Variants in DPH6 observed in about 807,000 individuals in gnomAD.
DPH6 encodes diphthine--ammonia ligase.
DPH6 carries 33 observed loss-of-function variants against 38.2 expected under a neutral mutation model. The ratio of observed to expected loss-of-function variants is 0.86; its 90% CI spans 0.65 to 1.15. The LOEUF is 1.15. Among genes scored for constraint, DPH6 ranks in the 50% most tolerant of loss-of-function variants. The pLI, the probability that DPH6 is intolerant of heterozygous loss-of-function variation, is 0.00. For synonymous variants in DPH6, 108 were observed against 103.0 expected (o/e 1.05, Z -0.30); for missense variants, 325 against 320.0 (o/e 1.02, Z -0.12).
chr15:35,214,673 T>A (rs553794306), downstream of DPH6, among the ~76,000 whole-genome samples: 1 of 152,156 alleles, frequency 6.6e-6, no homozygotes, highest in Non-Finnish European at 1.5e-5. Context: ...AGCGGCACGA[T>A]CTCAGCTCAC....
chr15:35,336,823 T>C (rs577573597), intron 3 of DPH6, among the ~76,000 whole-genome samples: 30 of 152,290 alleles, frequency 2.0e-4, no homozygotes, highest in Middle Eastern at 3.4e-3. Context: ...ATAAGCTTTT[T>C]GATGTGCTGC....
chr15:35,420,733 T>TCA (rs1339296837), intron 5 of DPH6, among the ~76,000 whole-genome samples: 10 of 152,164 alleles, frequency 6.6e-5, no homozygotes, highest in Non-Finnish European at 1.5e-4. Flanking sequence ...GCCAGGCTGG[T>TCA]CGCGAACTCC....
chr15:35,401,066 G>A (rs2053212564), intron 6 of DPH6: 10 of 902,974 alleles, frequency 1.1e-5, no homozygotes, highest in Non-Finnish European at 1.6e-5. Flanking sequence ...ATTTTCAACA[G>A]TACAGAAAAA....
chr15:35,367,137 A>C (rs2140914198), downstream of DPH6, among the ~76,000 whole-genome samples: 2 of 151,896 alleles, frequency 1.3e-5, 1 homozygote, highest in South Asian at 4.1e-4. Context: ...TAAAATATAT[A>C]ATTGTCCCAG....
chr15:35,515,041 AAGAC>A (rs2054825938), intron 3 of DPH6, among the ~76,000 whole-genome samples: 4 of 152,288 alleles, frequency 2.6e-5, no homozygotes, highest in African/African-American at 9.6e-5. Context: ...TTAAGTCTTT[AAGAC>A]AGACACTGTG....
the DPH6 span, among the ~76,000 whole-genome samples, chr15:35,180,794 A>T: frequency 6.6e-6 from 1 of 152,004 alleles, no homozygotes; most frequent in Non-Finnish European, 1.5e-5. Flanking sequence ...GCCCTACTTT[A>T]CTTTCTTGAA....
chr15:35,367,605 T>C (rs2052672175), downstream of DPH6, among the ~76,000 whole-genome samples: 1 of 151,862 alleles, frequency 6.6e-6, no homozygotes, highest in Non-Finnish European at 1.5e-5. Context: ...CGTTTTTATC[T>C]CACAGCTTTC....
the DPH6 span, among the ~76,000 whole-genome samples, chr15:35,199,210 G>A: frequency 6.6e-6 from 1 of 152,184 alleles, no homozygotes; most frequent in Non-Finnish European, 1.5e-5. Flanking sequence ...ACCACGCCCA[G>A]CGAATTTGTT....
At chr15:35,205,153 T>A in the DPH6 span, among the ~76,000 whole-genome samples, 266 of 152,136 alleles carry the variant, frequency 1.7e-3, 2 homozygotes, top group African/African-American at 6.0e-3. Flanking sequence ...TTGATTTTTT[T>A]AAAAAACAAA....
the DPH6 span, among the ~76,000 whole-genome samples, chr15:35,172,705 G>T: frequency 3.3e-5 from 5 of 152,058 alleles, no homozygotes; most frequent in African/African-American, 1.2e-4. Flanking sequence ...TTTTGAGATG[G>T]GGTCTCATTA....
intron 3 of DPH6, among the ~76,000 whole-genome samples, chr15:35,290,392 AG>A (rs2051972644): frequency 6.6e-6 from 1 of 152,246 alleles, no homozygotes; most frequent in Non-Finnish European, 1.5e-5. Context: ...GAACCAGGGC[AG>A]GCAGACACCA....
At chr15:35,283,757 T>TATAC (rs5811853) in intron 3 of DPH6, among the ~76,000 whole-genome samples, 3 of 140,500 alleles carry the variant, frequency 2.1e-5, no homozygotes, top group African/African-American at 7.9e-5. Flanking sequence ...GCACAGATAG[T>TATAC]ACACACACAC....
intron 3 of DPH6, among the ~76,000 whole-genome samples, chr15:35,234,351 C>T (rs1023911903): frequency 1.3e-5 from 2 of 152,224 alleles, no homozygotes; most frequent in African/African-American, 4.8e-5. Context: ...ATATCCCATG[C>T]TTCACATACC....
intron 5 of DPH6, among the ~76,000 whole-genome samples, chr15:35,411,913 A>T (rs1373255471): frequency 6.6e-6 from 1 of 151,700 alleles, no homozygotes; most frequent in East Asian, 1.9e-4. Context: ...AAACTCCTAT[A>T]ACAGGAAAAA....
At chr15:35,279,269 T>A (rs1355064458) in intron 3 of DPH6, among the ~76,000 whole-genome samples, 1 of 151,918 alleles carries the variant, frequency 6.6e-6, no homozygotes, top group Non-Finnish European at 1.5e-5. Flanking sequence ...AGGAAAGAAC[T>A]AATCTCCAGA....
chr15:35,491,688 T>C (rs1244963246), intron 3 of DPH6, among the ~76,000 whole-genome samples: 1 of 138,596 alleles, frequency 7.2e-6, no homozygotes, highest in Non-Finnish European at 1.6e-5. Flanking sequence ...TGTGTATGTA[T>C]ATACACACAT....
At chr15:35,382,393 C>G (rs1332902191) in intron 6 of DPH6, among the ~76,000 whole-genome samples, 1 of 151,948 alleles carries the variant, frequency 6.6e-6, no homozygotes, top group Non-Finnish European at 1.5e-5. Flanking sequence ...TTGCAGTGAG[C>G]CGAGATCAGC....
At position 35,450,803 on chromosome 15, in the gene DPH6, C is replaced by T. The variant is rs775071387; in HGVS notation, c.387G>A (p.Val129=). The change falls in exon 5 of 9, where the codon GTG becomes GTA. Residue 129 remains valine, a splice_region_variant and synonymous_variant. Transcript: ENST00000256538. ...SDYQRIRVEN[V]CKRLNLQPLA... ...AAGGCTGGAGATTAAGCCTTTTACA[C>T]CTACAAAAGAAAAAGAAAAAGAAAG... The T allele has an allele frequency of 1.9e-6, 3 of 1,588,836 alleles. No individual in the cohort carries two copies. Among genetic ancestry groups the T allele is most frequent in the African/African-American group, 1.4e-5 (1 of 73,542 alleles).
intron 3 of DPH6, among the ~76,000 whole-genome samples, chr15:35,313,777 A>G (rs2052164333): frequency 6.6e-6 from 1 of 152,162 alleles, no homozygotes; most frequent in African/African-American, 2.4e-5. Context: ...AGGGCTATTC[A>G]TACACAAAAA....
Sources: allele counts gnomAD v4.1 joint callset (sites outside exome capture counted in the v4.1 genomes callset), GRCh38; gene constraint gnomAD v4.1.1; transcripts MANE v1.5; gene names NCBI Gene and HGNC (gene_info 2026-07-23, HGNC 2026-07-21).